The following COL4A6 variants were observed in gnomAD, a reference collection of about 807,000 sequenced individuals.
COL4A6 encodes the protein collagen type IV alpha 6 chain.
In COL4A6, 59 loss-of-function variants were observed where a neutral mutation model predicts 126.7. That is an observed-to-expected ratio of 0.47 (90% CI 0.38 to 0.58). The LOEUF (loss-of-function observed/expected upper bound fraction) is 0.58, where lower values mean the gene tolerates loss of function less well. COL4A6 is among the 20% of genes least tolerant of loss of function. The pLI is 0.00. For synonymous variants in COL4A6, 547 were observed against 496.6 expected, an observed-to-expected ratio of 1.10 and a Z score of -1.35; for missense variants, 1,285 against 1,337.3, an observed-to-expected ratio of 0.96 and a Z score of 0.61.
At chrX:108,316,586 T>A (rs1458615005) in intron 2 of COL4A6, among the ~76,000 whole-genome samples, 1 of 111,405 alleles carries the variant, frequency 9.0e-6, no homozygotes, top group Non-Finnish European at 1.9e-5. Flanking sequence ...TGGGAAATTG[T>A]TAGAGTTGTA....
chrX:108,166,059 G>A (rs934023507), intron 37 of COL4A6, among the ~76,000 whole-genome samples: 4 of 112,446 alleles, frequency 3.6e-5, no homozygotes, highest in Non-Finnish European at 5.6e-5. Context: ...TTCATGATAT[G>A]AGCCAAGTGA....
intron 2 of COL4A6, among the ~76,000 whole-genome samples, chrX:108,392,374 C>T (rs781073427): frequency 4.6e-5 from 5 of 109,242 alleles, no homozygotes; most frequent in Admixed American, 3.9e-4. Flanking sequence ...TGATAAGGAG[C>T]GTGTAATCTA....
intron 2 of COL4A6, among the ~76,000 whole-genome samples, chrX:108,350,634 T>C (rs916174019): frequency 8.1e-5 from 9 of 111,799 alleles, no homozygotes; most frequent in Non-Finnish European, 1.7e-4. Flanking sequence ...ACAATATAAG[T>C]GGATACTTAA....
chrX:108,161,954 C>T (rs772025655), intron 41 of COL4A6, among the ~76,000 whole-genome samples: 6 of 112,581 alleles, frequency 5.3e-5, no homozygotes, highest in African/African-American at 1.9e-4. Flanking sequence ...CTCAACTTAG[C>T]CTTTCTGAGC....
chrX:108,343,158 TATATATA>T (rs1257718344), intron 2 of COL4A6, among the ~76,000 whole-genome samples: 41 of 72,435 alleles, frequency 5.7e-4, no homozygotes, highest in East Asian at 3.4e-3. Context: ...TATATATATA[TATATATA>T]GTGTGTGTGT....
At chrX:108,431,901 T>C in intron 2 of COL4A6, among the ~76,000 whole-genome samples, 1 of 112,189 alleles carries the variant, frequency 8.9e-6, no homozygotes, top group Non-Finnish European at 1.9e-5. Context: ...TCCATGAACG[T>C]GTATTATCAC....
chrX:108,182,924 T>C (rs1029121206), intron 23 of COL4A6, among the ~76,000 whole-genome samples: 1 of 112,534 alleles, frequency 8.9e-6, no homozygotes, highest in Non-Finnish European at 1.9e-5. Flanking sequence ...GCCTTTAGAA[T>C]ATGAAGCTGA....
intron 3 of COL4A6, among the ~76,000 whole-genome samples, chrX:108,278,579 T>C (rs2037692067): frequency 9.1e-6 from 1 of 110,404 alleles, no homozygotes; most frequent in Non-Finnish European, 1.9e-5. Flanking sequence ...CAGGATATTA[T>C]CCAGGAGAAC....
intron 13 of COL4A6, among the ~76,000 whole-genome samples, chrX:108,200,672 A>C (rs1021457651): frequency 1.8e-5 from 2 of 111,571 alleles, no homozygotes; most frequent in African/African-American, 6.5e-5. Context: ...CAGAATGAAT[A>C]AGTTCTAGTA....
chrX:108,162,224 C>A (rs181860271), intron 41 of COL4A6, among the ~76,000 whole-genome samples: 1 of 110,461 alleles, frequency 9.1e-6, no homozygotes, highest in African/African-American at 3.3e-5. Flanking sequence ...GTGGTATGCA[C>A]CTGTAGTCCC....
chrX:108,310,697 A>T, intron 3 of COL4A6, 51 bp downstream of exon 3: 1 of 1,062,923 alleles, frequency 9.4e-7, no homozygotes, highest in Non-Finnish European at 1.3e-6. Context: ...GAAAACAGAT[A>T]ACAGCTCCCA....
At chrX:108,244,903 T>C (rs981384034) in intron 3 of COL4A6, among the ~76,000 whole-genome samples, 3 of 112,015 alleles carry the variant, frequency 2.7e-5, no homozygotes, top group Non-Finnish European at 3.8e-5. Flanking sequence ...TCAGACACCA[T>C]TCAGATGTTC....
intron 2 of COL4A6, among the ~76,000 whole-genome samples, chrX:108,396,766 G>A (rs897088975): frequency 2.7e-5 from 3 of 111,375 alleles, no homozygotes; most frequent in Non-Finnish European, 5.7e-5. Flanking sequence ...AGTGCTGACT[G>A]TGAAGTCAGG....
chrX:108,375,239 A>G (rs1442885708), intron 2 of COL4A6, among the ~76,000 whole-genome samples: 1 of 111,711 alleles, frequency 9.0e-6, no homozygotes, highest in East Asian at 2.8e-4. Context: ...TATCTCAGGA[A>G]TTAAGGTTAT....
intron 2 of COL4A6, among the ~76,000 whole-genome samples, chrX:108,404,772 T>C (rs1267426210): frequency 1.8e-5 from 2 of 112,080 alleles, no homozygotes; most frequent in Admixed American, 1.9e-4. Flanking sequence ...TAGTAATGTA[T>C]GATGATTGAA....
intron 3 of COL4A6, among the ~76,000 whole-genome samples, chrX:108,243,206 T>C (rs1483174171): frequency 9.0e-6 from 1 of 111,563 alleles, no homozygotes; most frequent in Non-Finnish European, 1.9e-5. Flanking sequence ...ACCTAGGAGA[T>C]TTGGGTCCCA....
Position 108,340,587 on chromosome X carries a change from G to T in COL4A6, c.64-29759C>A, listed in dbSNP as rs1054531459. On this transcript the variant is annotated intron_variant, in intron 2 of 44. Transcript: ENST00000334504. Reference sequence around the variant, plus strand: ...GGCATATAATGAAGTAATAAATAAAGGTTAAAATGAAATAAATAGAAATAT... The same window carrying T: ...GGCATATAATGAAGTAATAAATAAATGTTAAAATGAAATAAATAGAAATAT... 2.7e-5 allele frequency among the ~76,000 whole-genome samples: 3 copies of T among 110,036 alleles called. No homozygotes were observed. In the Admixed American group the frequency reaches 2.9e-4, roughly 11 times the overall value.
chrX:108,355,265 C>A (rs1285879825), intron 2 of COL4A6, among the ~76,000 whole-genome samples: 1 of 111,875 alleles, frequency 8.9e-6, no homozygotes, highest in Non-Finnish European at 1.9e-5. Context: ...TAATGACATT[C>A]TCAGTGCTGT....
intron 3 of COL4A6, among the ~76,000 whole-genome samples, chrX:108,303,548 T>C (rs1415015525): frequency 8.9e-6 from 1 of 111,978 alleles, no homozygotes; most frequent in Non-Finnish European, 1.9e-5. Context: ...AGAGTGAGCA[T>C]GGCTCCTCTC....
Sources: allele counts gnomAD v4.1 joint callset (sites outside exome capture counted in the v4.1 genomes callset), GRCh38; gene constraint gnomAD v4.1.1; transcripts MANE v1.5; gene names NCBI Gene and HGNC (gene_info 2026-07-23, HGNC 2026-07-21).